Variants in CRPPA observed in about 807,000 individuals in gnomAD.
The protein encoded by CRPPA is D-ribitol-5-phosphate cytidylyltransferase.
In CRPPA, 43 loss-of-function variants were observed where a neutral mutation model predicts 52.0. That is an observed-to-expected ratio of 0.83 (90% CI 0.65 to 1.07). The LOEUF is 1.07. Ranked by LOEUF, CRPPA falls within the 50% of genes least tolerant of loss-of-function variation. CRPPA has a pLI of 0.00. For synonymous variants in CRPPA, 250 were observed against 203.5 expected (o/e 1.23, Z -1.94); for missense variants, 629 against 551.7 (o/e 1.14, Z -1.40).
At chr7:16,392,136 G>C (rs542800845) in intron 2 of CRPPA, among the ~76,000 whole-genome samples, 1 of 152,012 alleles carries the variant, frequency 6.6e-6, no homozygotes, top group Non-Finnish European at 1.5e-5. Flanking sequence ...TTTTAACCAG[G>C]TATTTTATTT....
At chr7:16,157,533 T>C (rs959987241) in intron 9 of CRPPA, among the ~76,000 whole-genome samples, 3 of 152,170 alleles carry the variant, frequency 2.0e-5, no homozygotes, top group African/African-American at 7.2e-5. Flanking sequence ...AATTTCATAT[T>C]TTGAGGTTAA....
chr7:16,268,462 A>G (rs1433875062), intron 6 of CRPPA, among the ~76,000 whole-genome samples: 1 of 152,088 alleles, frequency 6.6e-6, no homozygotes, highest in Non-Finnish European at 1.5e-5. Flanking sequence ...ATTAATGTAT[A>G]CTCCTCTTGT....
intron 8 of CRPPA, among the ~76,000 whole-genome samples, chr7:16,246,228 G>C (rs1783269165): frequency 6.6e-6 from 1 of 152,104 alleles, no homozygotes; most frequent in African/African-American, 2.4e-5. Context: ...ACCCGAAGTA[G>C]ATTCCATCTC....
intron 2 of CRPPA, among the ~76,000 whole-genome samples, chr7:16,382,342 A>G (rs902563485): frequency 1.1e-4 from 16 of 152,326 alleles, no homozygotes; most frequent in Admixed American, 5.2e-4. Context: ...TGGCTTGTAG[A>G]GTTTCTGCTG....
chr7:16,158,366 C>G (rs944188151), intron 9 of CRPPA, among the ~76,000 whole-genome samples: 44 of 152,154 alleles, frequency 2.9e-4, no homozygotes, highest in African/African-American at 1.0e-3. Flanking sequence ...CGATTCCAAA[C>G]ACAATATGTA....
intron 9 of CRPPA, chr7:16,208,859 G>C (rs996097307): frequency 4.8e-6 from 1 of 210,092 alleles, no homozygotes; most frequent in Non-Finnish European, 9.9e-6. Flanking sequence ...TAATGACATT[G>C]GGCACTTAGA....
chr7:16,374,255 G>A (rs1023056339), intron 3 of CRPPA, among the ~76,000 whole-genome samples: 1 of 152,076 alleles, frequency 6.6e-6, no homozygotes, highest in African/African-American at 2.4e-5. Context: ...TAAGTCTTCT[G>A]GCTATCATCT....
At chr7:16,184,432 T>G (rs928982113) in intron 9 of CRPPA, among the ~76,000 whole-genome samples, 4 of 152,212 alleles carry the variant, frequency 2.6e-5, no homozygotes, top group African/African-American at 9.6e-5. Context: ...TTTTCATATT[T>G]TATTGATATC....
At chr7:16,263,951 A>T (rs1783886677) in intron 6 of CRPPA, among the ~76,000 whole-genome samples, 1 of 152,178 alleles carries the variant, frequency 6.6e-6, no homozygotes. Context: ...AAAGTTATCA[A>T]ATATTAGTAT....
intron 6 of CRPPA, among the ~76,000 whole-genome samples, chr7:16,262,779 C>G (rs1458753118): frequency 6.6e-6 from 1 of 152,140 alleles, no homozygotes; most frequent in East Asian, 1.9e-4. Flanking sequence ...CTTAATGAAT[C>G]AACTTTTGCC....
intron 9 of CRPPA, among the ~76,000 whole-genome samples, chr7:16,165,556 A>G (rs1040804214): frequency 6.6e-6 from 1 of 152,254 alleles, no homozygotes; most frequent in African/African-American, 2.4e-5. Context: ...CTATGTCTGT[A>G]TGGAAACACC....
intron 1 of CRPPA, among the ~76,000 whole-genome samples, chr7:16,419,853 ATT>A (rs1385076184): frequency 6.6e-6 from 1 of 152,138 alleles, no homozygotes. Context: ...TTGAGTAATA[ATT>A]TTTGAGTAAT....
chr7:16,210,738 C>A (rs567643713), intron 9 of CRPPA: 2 of 152,138 alleles, frequency 1.3e-5, no homozygotes, highest in African/African-American at 4.8e-5. Flanking sequence ...CTAACAAATG[C>A]ACTGTTTAAA....
Position 16,285,955 on chromosome 7 carries a change from G to C in CRPPA, c.836-7729C>G, listed in dbSNP as rs189115277. On this transcript the variant is annotated intron_variant, in intron 5 of 9. Coordinates refer to ENST00000407010, the MANE Select transcript of CRPPA (RefSeq NM_001101426.4). ...GAATCGCTTGAACCTGGGAGGCAGA[G>C]ATTGCAGTGAGCCAAGATTGCACCA... 6.3e-3 allele frequency among the ~76,000 whole-genome samples: 809 copies of C among 129,158 alleles called. 7 individuals carry two copies. The highest frequency in any genetic ancestry group is 5.3e-3 in the Non-Finnish European group (327 of 61,392). The allele number at this position is 129,158 out of a possible 152,430, so 84.7% of individuals were successfully genotyped here. A position where few individuals can be genotyped will look rare whatever the true frequency, so the allele number is the denominator to read the frequency against.
At chr7:16,327,490 G>A (rs1785436949) in intron 3 of CRPPA, among the ~76,000 whole-genome samples, 1 of 151,826 alleles carries the variant, frequency 6.6e-6, no homozygotes, top group Admixed American at 6.6e-5. Context: ...CTACTCTGGA[G>A]GCTGAGGCAG....
chr7:16,150,944 T>C (rs750045156), intron 9 of CRPPA, among the ~76,000 whole-genome samples: 3 of 152,196 alleles, frequency 2.0e-5, no homozygotes, highest in Non-Finnish European at 2.9e-5. Context: ...TAAGGGTAGC[T>C]TTATGGACTA....
At chr7:16,310,159 GGTTATA>G (rs1785003289) in intron 3 of CRPPA, among the ~76,000 whole-genome samples, 1 of 152,002 alleles carries the variant, frequency 6.6e-6, no homozygotes, top group African/African-American at 2.4e-5. Context: ...ACCATGGGGG[GGTTATA>G]GTTATAATGA....
chr7:16,100,093 A>G (rs577497138), intron 9 of CRPPA, among the ~76,000 whole-genome samples: 1 of 152,306 alleles, frequency 6.6e-6, no homozygotes, highest in African/African-American at 2.4e-5. Context: ...GTCATCCACT[A>G]TCAACCTAAT....
At chr7:16,268,235 C>T (rs1784003430) in intron 6 of CRPPA, among the ~76,000 whole-genome samples, 1 of 152,016 alleles carries the variant, frequency 6.6e-6, no homozygotes, top group Non-Finnish European at 1.5e-5. Context: ...AGGTTCTCAA[C>T]AACCTCCATT....
Sources: allele counts gnomAD v4.1 joint callset (sites outside exome capture counted in the v4.1 genomes callset), GRCh38; gene constraint gnomAD v4.1.1; transcripts MANE v1.5; gene names NCBI Gene and HGNC (gene_info 2026-07-23, HGNC 2026-07-21).